The following CCNL2 variants were observed in gnomAD, a reference collection of about 807,000 sequenced individuals.
CCNL2 encodes cyclin L2.
CCNL2 carries 28 observed loss-of-function variants against 59.1 expected under a neutral mutation model. That is an observed-to-expected ratio of 0.47 (90% CI 0.35 to 0.65). CCNL2 has a LOEUF of 0.65. Among genes scored for constraint, CCNL2 ranks in the 30% least tolerant of loss-of-function variants. The pLI is 0.00. For synonymous variants in CCNL2, 342 were observed against 288.6 expected, an observed-to-expected ratio of 1.19 and a Z score of -1.88; for missense variants, 714 against 717.4, an observed-to-expected ratio of 1.00 and a Z score of 0.05.
intron 4 of CCNL2, 29 bp downstream of exon 4, chr1:1,395,365 G>T (rs369412224): frequency 1.9e-6 from 3 of 1,612,598 alleles, no homozygotes; most frequent in Non-Finnish European, 2.5e-6. Context: ...GGCCTAGGCG[G>T]GCTCGCAGGG....
chr1:1,396,571 GTTTTTTTTTTTTTT>G (rs1175846044), intron 3 of CCNL2, among the ~76,000 whole-genome samples: 1 of 69,656 alleles, frequency 1.4e-5, no homozygotes, highest in Non-Finnish European at 2.4e-5. Context: ...CGGCAAGGCT[GTTTTTTTTTTTTTT>G]TTTTTTTTTT....
At chr1:1,388,846 C>T (rs1321645873) in intron 8 of CCNL2, 5 of 374,516 alleles carry the variant, frequency 1.3e-5, no homozygotes, top group African/African-American at 4.4e-5. Flanking sequence ...GAGGCCAAGG[C>T]GGGCAGATCA....
In CCNL2 at chr1:1,391,569, A is replaced by C. The variant is rs1380350986; in HGVS notation, c.660-704T>G. 5.4e-6 allele frequency: 7 copies of C among 1,304,956 alleles called. No homozygotes were observed. In the South Asian group the frequency reaches 6.2e-5, roughly 12 times the overall value. The allele number at this position is 1,304,956 out of a possible 1,614,324, so 80.8% of individuals were successfully genotyped here. ...CCGCTGCCAACTGTCCCATTTCAACAAGGGGTCTTAAAATGAACATTCATA... is the reference window on the plus strand; with the variant it reads ...CCGCTGCCAACTGTCCCATTTCAACCAGGGGTCTTAAAATGAACATTCATA... On this transcript the variant is annotated intron_variant, in intron 5 of 10. Coordinates refer to ENST00000400809, the MANE Select transcript of CCNL2 (RefSeq NM_030937.6).
chr1:1,392,663 T>C, intron 5 of CCNL2: 2 of 1,519,772 alleles, frequency 1.3e-6, no homozygotes, highest in South Asian at 1.2e-5. Flanking sequence ...CGGCCATGGC[T>C]ATGCTATGTG....
In CCNL2 at chr1:1,390,372, C is replaced by A. The variant is rs748925471; in HGVS notation, c.865-1G>T. 1 of 1,612,218 alleles carries A rather than the reference C, an allele frequency of 6.2e-7. No individual in the cohort carries two copies. Among genetic ancestry groups the A allele is most frequent in the South Asian group, 1.1e-5 (1 of 91,056 alleles). On this transcript the variant is annotated splice_acceptor_variant, in intron 7 of 10. Transcript: ENST00000400809. LOFTEE classifies it high-confidence loss of function. ...CACCCTCCAGGTGTGTGAGATCAAC[C>A]TGCAAAAGCCAGAAGGTGTCCGTTC...
In CCNL2 at chr1:1,387,300, C is replaced by G; in HGVS notation, c.1494G>C (p.Ser498=). 1.1e-5 allele frequency: 17 copies of G among 1,613,622 alleles called. No homozygotes were observed. The highest frequency in any genetic ancestry group is 1.4e-5 in the Non-Finnish European group (16 of 1,180,042). The change falls in exon 11 of 11, where the codon TCG becomes TCC. Residue 498 remains serine, a synonymous_variant. Transcript: ENST00000400809. Reference sequence around the variant, plus strand: ...GACGGCCTGTGCGTTCATACGACCTCGAGCGCTCTCGTCGCTGATCTCTGT... The same window carrying G: ...GACGGCCTGTGCGTTCATACGACCTGGAGCGCTCTCGTCGCTGATCTCTGT... ...HYYRDQRRER[S]RSYERTGRRY... is the part of the protein sequence containing the mutation.
At position 1,393,379 on chromosome 1, in the gene CCNL2, A is replaced by G. The variant is rs1644849224; in HGVS notation, c.659+17T>C. On this transcript the variant is annotated intron_variant, in intron 5 of 10. Transcript: ENST00000400809. ...ACTGCCCTTGCTGGTCTCATAAAACAAGGAAGCTCAACTCACCATGAGGTC... is the reference window on the plus strand; with the variant it reads ...ACTGCCCTTGCTGGTCTCATAAAACGAGGAAGCTCAACTCACCATGAGGTC... 6.2e-7 allele frequency: 1 copy of G among 1,611,972 alleles called. No homozygotes were observed. The highest frequency in any genetic ancestry group is 2.2e-5 in the East Asian group (1 of 44,872).
chr1:1,398,688 T>G lies in CCNL2; in HGVS notation c.289-17A>C, dbSNP rs749513553. The G allele has an allele frequency of 6.2e-7, 1 of 1,609,722 alleles. No individual in the cohort carries two copies. Among genetic ancestry groups the G allele is most frequent in the Admixed American group, 1.7e-5 (1 of 59,960 alleles). On this transcript the variant is annotated splice_polypyrimidine_tract_variant and intron_variant, in intron 1 of 10. Transcript: ENST00000400809. ...CATGGCCACCTAGAGTAGAAGAAAG[T>G]TTCCGTATTTTCAAACGCACCATTC...
At position 1,390,575 on chromosome 1, in the gene CCNL2, A is replaced by C. The variant is rs754815557; in HGVS notation, c.760-12T>G. 6.3e-7 allele frequency: 1 copy of C among 1,599,870 alleles called. No homozygotes were observed. Among genetic ancestry groups the C allele is most frequent in the South Asian group, 1.1e-5 (1 of 90,312 alleles). The stretch of plus-strand genomic sequence containing the variant: ...TTGGGCAAAGGGATCTGTAAAAACA[A>C]ACACTATCATCATTACACTTTCCTC... On this transcript the variant is annotated splice_polypyrimidine_tract_variant and intron_variant, in intron 6 of 10. Coordinates refer to ENST00000400809, the MANE Select transcript of CCNL2 (RefSeq NM_030937.6).
Position 1,387,481 on chromosome 1 carries a change from T to C in CCNL2, c.1313A>G (p.Tyr438Cys), listed in dbSNP as rs1644516201. Residue 438 changes from tyrosine to cysteine, a missense_variant, in exon 11 of 11, where the codon TAC becomes TGC. By Grantham distance (194) the Tyr-to-Cys change is radical. Transcript: ENST00000400809. ...GGAGCCCCGAATCTCAGAGCCTTTG[T>C]AGGGAGCGCTGCGGGGGGCCTGTCT... ...PPRQAPRSAP[Y>C]KGSEIRGSRK... 6.8e-6 allele frequency: 11 copies of C among 1,606,958 alleles called. No homozygotes were observed. Among genetic ancestry groups the C allele is most frequent in the Non-Finnish European group, 9.3e-6 (11 of 1,176,806 alleles).
chr1:1,395,592 T>A (rs1280963158), intron 3 of CCNL2, 78 bp from the exon 4 acceptor site: 2 of 1,581,566 alleles, frequency 1.3e-6, no homozygotes, highest in Non-Finnish European at 1.7e-6. Context: ...TACCTCCAAC[T>A]ATGAGCACCT....
chr1:1,390,772 C>A lies in CCNL2; in HGVS notation c.753G>T (p.Thr251=), dbSNP rs778170286. The change falls in exon 6 of 11, where the codon ACG becomes ACT. Residue 251 remains threonine (T), a synonymous_variant. Transcript: ENST00000400809. The stretch of plus-strand genomic sequence containing the variant: ...ATAGTAGCAACACACTGACCTCCAG[C>A]GTCCGGGCAGCAAGATAAATGCAGG... ...ACACIYLAAR[T]LEIPLPNRPH... 4.3e-6 allele frequency: 7 copies of A among 1,613,908 alleles called. No individual in the cohort carries two copies. Among genetic ancestry groups the A allele is most frequent in the Non-Finnish European group, 5.1e-6 (6 of 1,179,852 alleles).
Position 1,390,771 on chromosome 1 carries a change from G to C in CCNL2, c.754C>G (p.Leu252Val). 2 of 1,613,964 alleles carry C rather than the reference G, an allele frequency of 1.2e-6. No individual in the cohort carries two copies. Among genetic ancestry groups the C allele is most frequent in the Non-Finnish European group, 1.7e-6 (2 of 1,179,844 alleles). Residue 252 changes from leucine (L) to valine (V), a missense_variant, in exon 6 of 11, where the codon CTG (leucine) becomes GTG (valine). This residue lies in a region of CCNL2 where 403 missense variants were observed against 377.7 expected (regional missense o/e 1.07). Transcript: ENST00000400809. The stretch of plus-strand genomic sequence containing the variant: ...CATAGTAGCAACACACTGACCTCCA[G>C]CGTCCGGGCAGCAAGATAAATGCAG... The part of the protein sequence containing the change: ...CACIYLAART[L>V]EIPLPNRPHW...
rs1569943459 is a variant in CCNL2 at position 1,392,331 on chromosome 1, CA to C, written c.659+1064del. The C allele has an allele frequency of 3.0e-6, 3 of 999,854 alleles. No homozygotes were observed. The East Asian group carries it at 3.0e-4, about 100-fold the overall frequency. The allele number at this position is 999,854 out of a possible 1,614,324, so 61.9% of individuals were successfully genotyped here. A position where few individuals can be genotyped will look rare whatever the true frequency, so the allele number is the denominator to read the frequency against. ...GTATTTGAAGTGATACAATATTTTT[CA>C]AAGTATCCATGAAATAATTTAAAGA... On this transcript the variant is annotated intron_variant, in intron 5 of 10. Transcript: ENST00000400809.
chr1:1,394,914 C>T (rs567381450), intron 4 of CCNL2, among the ~76,000 whole-genome samples: 130 of 151,864 alleles, frequency 8.6e-4, no homozygotes, highest in African/African-American at 2.9e-3. Flanking sequence ...AAAATCAGCT[C>T]GGCGTGGTGG....
At chr1:1,387,685 G>GA in intron 10 of CCNL2, 92 bp downstream of exon 10, 1 of 1,437,168 alleles carries the variant, frequency 7.0e-7, no homozygotes, top group Middle Eastern at 1.8e-4. Flanking sequence ...CAGGTTTAGA[G>GA]AAACAAGAAA....
chr1:1,385,797 A>T lies in CCNL2; in HGVS notation c.*1434T>A, dbSNP rs576210825. On this transcript the variant is annotated 3_prime_UTR_variant, in exon 11 of 11. Coordinates refer to ENST00000400809, the MANE Select transcript of CCNL2 (RefSeq NM_030937.6). ...GCAAATGGAGAGCGGTCTCTTGGGTACAGGTGTGTATGGCCCTTTACTGGT... is the reference window on the plus strand; with the variant it reads ...GCAAATGGAGAGCGGTCTCTTGGGTTCAGGTGTGTATGGCCCTTTACTGGT... 8 of 152,352 alleles carry T rather than the reference A, an allele frequency of 5.3e-5. No homozygotes were observed. The highest frequency in any genetic ancestry group is 1.9e-4 in the African/African-American group (8 of 41,578). 9.4% of individuals were successfully genotyped at this position (152,352 alleles called of 1,614,324 possible). A position where few individuals can be genotyped will look rare whatever the true frequency, so the allele number is the denominator to read the frequency against.
At chr1:1,390,939 A>G in intron 5 of CCNL2, 74 bp from the exon 6 acceptor site, 1 of 1,257,684 alleles carries the variant, frequency 8.0e-7, no homozygotes, top group Non-Finnish European at 1.2e-6. Context: ...TTATCTAGAG[A>G]AAATCTAGAT....
chr1:1,390,780 C>T lies in CCNL2; in HGVS notation c.745G>A (p.Ala249Thr), dbSNP rs1448089356. The T allele has an allele frequency of 6.2e-7, 1 of 1,614,044 alleles. No homozygotes were observed. Among genetic ancestry groups the T allele is most frequent in the Admixed American group, 1.7e-5 (1 of 60,008 alleles). The change falls in exon 6 of 11, where the codon GCC (alanine) becomes ACC (threonine). Residue 249 changes from alanine (A) to threonine (T), a missense_variant. Coordinates refer to ENST00000400809, the MANE Select transcript of CCNL2 (RefSeq NM_030937.6). ...AACACACTGACCTCCAGCGTCCGGG[C>T]AGCAAGATAAATGCAGGCACAGGCG... is the stretch of plus-strand genomic sequence containing the variant. ...SIACACIYLA[A>T]RTLEIPLPNR...
Sources: allele counts gnomAD v4.1 joint callset (sites outside exome capture counted in the v4.1 genomes callset), GRCh38; gene constraint gnomAD v4.1.1; regional missense constraint gnomAD v4.1.1; transcripts MANE v1.5; gene names NCBI Gene and HGNC (gene_info 2026-07-23, HGNC 2026-07-21).